The following NDUFS4 variants were observed in gnomAD, a reference collection of about 807,000 sequenced individuals.
The protein encoded by NDUFS4 is NADH dehydrogenase [ubiquinone] iron-sulfur protein 4, mitochondrial.
Under a neutral mutation model 24.3 loss-of-function variants are expected in NDUFS4, and 28 were observed. The ratio of observed to expected loss-of-function variants is 1.15; its 90% CI spans 0.85 to 1.58. The LOEUF (loss-of-function observed/expected upper bound fraction) is 1.58, where lower values mean the gene tolerates loss of function less well. NDUFS4 is among the 40% of genes most tolerant of loss of function. NDUFS4 has a pLI of 0.00. For synonymous variants in NDUFS4, 93 were observed against 69.7 expected, an observed-to-expected ratio of 1.34 and a Z score of -1.67; for missense variants, 223 against 207.9, an observed-to-expected ratio of 1.07 and a Z score of -0.45.
intron 1 of NDUFS4, among the ~76,000 whole-genome samples, chr5:53,578,805 T>TA (rs1413960364): frequency 9.2e-5 from 14 of 152,202 alleles, no homozygotes; most frequent in Admixed American, 3.3e-4. Context: ...CTACTTTTCT[T>TA]ACTTTCTTTT....
intron 1 of NDUFS4, among the ~76,000 whole-genome samples, chr5:53,587,662 C>T (rs1352187945): frequency 2.6e-5 from 4 of 151,836 alleles, no homozygotes; most frequent in South Asian, 2.1e-4. Context: ...CTGCATCCTC[C>T]GCCCTCTGGT....
At chr5:53,584,068 C>T (rs1470267273) in intron 1 of NDUFS4, among the ~76,000 whole-genome samples, 1 of 152,212 alleles carries the variant, frequency 6.6e-6, no homozygotes, top group Non-Finnish European at 1.5e-5. Context: ...CTCACTTACA[C>T]CTCCCACTCC....
chr5:53,635,093 G>A lies in NDUFS4; in HGVS notation c.178-11140G>A, dbSNP rs137932545. 1.9e-3 allele frequency among the ~76,000 whole-genome samples: 290 copies of A among 152,146 alleles called. 6 individuals carry two copies. The East Asian group carries it at 0.05, about 26-fold the overall frequency. On this transcript the variant is annotated intron_variant, in intron 2 of 4. Transcript: ENST00000296684. ...TAATCCCAGCTACTTGGAAGGCTGA[G>A]GTGGGAGAATTGCTTGAAGCCAGGA... is the stretch of plus-strand genomic sequence containing the variant.
intron 4 of NDUFS4, among the ~76,000 whole-genome samples, chr5:53,675,982 G>T (rs905284835): frequency 1.3e-5 from 2 of 152,130 alleles, no homozygotes; most frequent in Admixed American, 6.5e-5. Context: ...GATGTCTCAA[G>T]GGGACCTCCA....
intron 2 of NDUFS4, among the ~76,000 whole-genome samples, chr5:53,623,500 T>G (rs776783660): frequency 2.0e-5 from 3 of 152,218 alleles, no homozygotes; most frequent in Non-Finnish European, 2.9e-5. Flanking sequence ...TTCTGTATAT[T>G]CTGGATCTTA....
intron 1 of NDUFS4, 116 bp from the exon 2 acceptor site, chr5:53,603,336 C>CTTTCCTTT (rs371577393): frequency 9.8e-6 from 5 of 509,280 alleles, no homozygotes; most frequent in Non-Finnish European, 3.4e-6. Context: ...CTTTCCTTTC[C>CTTTCCTTT]TTTTTTTTTT....
intron 1 of NDUFS4, among the ~76,000 whole-genome samples, chr5:53,565,671 G>A (rs1241646076): frequency 6.6e-6 from 1 of 152,196 alleles, no homozygotes; most frequent in Non-Finnish European, 1.5e-5. Flanking sequence ...GCAGTGGTCT[G>A]AGTGTAGGAT....
intron 1 of NDUFS4, among the ~76,000 whole-genome samples, chr5:53,570,674 A>ATT (rs376174216): frequency 7.8e-6 from 1 of 127,984 alleles, no homozygotes; most frequent in Non-Finnish European, 1.6e-5. Context: ...TTTGTATTGT[A>ATT]TTTTTTTTTC....
At chr5:53,670,781 G>A (rs1028310524) in intron 4 of NDUFS4, among the ~76,000 whole-genome samples, 4 of 151,280 alleles carry the variant, frequency 2.6e-5, no homozygotes, top group Non-Finnish European at 5.9e-5. Context: ...AATGAATTAA[G>A]GATATGTAGA....
chr5:53,663,052 T>C (rs888101035), intron 4 of NDUFS4, among the ~76,000 whole-genome samples: 3 of 152,152 alleles, frequency 2.0e-5, no homozygotes, highest in Non-Finnish European at 4.4e-5. Flanking sequence ...AAAGAACATC[T>C]TTATTTCTGC....
At chr5:53,657,682 T>C (rs1407958485) in intron 3 of NDUFS4, among the ~76,000 whole-genome samples, 5 of 152,072 alleles carry the variant, frequency 3.3e-5, no homozygotes, top group African/African-American at 9.7e-5. Flanking sequence ...ACCAGCACTT[T>C]GGGAGGCTGA....
chr5:53,598,206 C>G (rs1750189352), intron 1 of NDUFS4, among the ~76,000 whole-genome samples: 2 of 152,088 alleles, frequency 1.3e-5, no homozygotes, highest in African/African-American at 4.8e-5. Context: ...TCCTACAAAG[C>G]TAAAACATAG....
At chr5:53,674,846 C>T (rs537588361) in intron 4 of NDUFS4, among the ~76,000 whole-genome samples, 4 of 151,802 alleles carry the variant, frequency 2.6e-5, no homozygotes, top group Non-Finnish European at 4.4e-5. Context: ...TAAAAAAATA[C>T]GCAAGTGGAA....
At chr5:53,642,378 G>A (rs1387382360) in intron 2 of NDUFS4, among the ~76,000 whole-genome samples, 1 of 152,088 alleles carries the variant, frequency 6.6e-6, no homozygotes, top group Non-Finnish European at 1.5e-5. Flanking sequence ...CTTTTGTTGG[G>A]AGTGCATGCA....
chr5:53,575,583 C>T (rs1370105948), intron 1 of NDUFS4, among the ~76,000 whole-genome samples: 6 of 118,984 alleles, frequency 5.0e-5, no homozygotes, highest in African/African-American at 2.0e-4. Flanking sequence ...GCTCTGTCGC[C>T]TAGGCTGGAG....
At chr5:53,659,111 T>G (rs1342156626) in intron 4 of NDUFS4, among the ~76,000 whole-genome samples, 1 of 152,164 alleles carries the variant, frequency 6.6e-6, no homozygotes, top group African/African-American at 2.4e-5. Flanking sequence ...ATGCCCACAT[T>G]TGCTACTTTT....
intron 1 of NDUFS4, among the ~76,000 whole-genome samples, chr5:53,580,801 T>C (rs1222391165): frequency 6.6e-6 from 1 of 151,182 alleles, no homozygotes; most frequent in Non-Finnish European, 1.5e-5. Context: ...CTTTCTCTCT[T>C]TCTTTCCCTT....
intron 1 of NDUFS4, among the ~76,000 whole-genome samples, chr5:53,571,080 A>G (rs961947326): frequency 2.0e-5 from 3 of 152,132 alleles, no homozygotes; most frequent in Non-Finnish European, 1.5e-5. Flanking sequence ...TTTATATATT[A>G]TAAAATTTAC....
At chr5:53,567,744 T>A (rs1331457084) in intron 1 of NDUFS4, among the ~76,000 whole-genome samples, 2 of 152,156 alleles carry the variant, frequency 1.3e-5, no homozygotes, top group Admixed American at 1.3e-4. Flanking sequence ...CCTTTTTCAT[T>A]TATTATGGAT....
Sources: gnomAD v4.1 joint callset for allele counts (sites outside exome capture counted in the v4.1 genomes callset) on GRCh38, gnomAD v4.1.1 for gene constraint, MANE v1.5 for transcripts, NCBI Gene and HGNC (gene_info 2026-07-23, HGNC 2026-07-21) for gene names.